SPIRE2: variants seen among roughly 807,000 people sequenced by gnomAD.
SPIRE2 encodes protein spire homolog 2.
Under a neutral mutation model 80.7 loss-of-function variants are expected in SPIRE2, and 76 were observed. The observed-to-expected ratio is 0.94, with a 90% CI of 0.78 to 1.14. The LOEUF is 1.14. SPIRE2 is among the 50% of genes most tolerant of loss of function. The pLI is 0.00. For synonymous variants in SPIRE2, 535 were observed against 432.6 expected (o/e 1.24, Z -2.94); for missense variants, 1,196 against 1,015.3 (o/e 1.18, Z -2.42).
chr16:89,854,309 C>A lies in SPIRE2; in HGVS notation c.669C>A (p.Asp223Glu), dbSNP rs12921652. 6.2e-7 allele frequency: 1 copy of A among 1,611,422 alleles called. No homozygotes were observed. The highest frequency in any genetic ancestry group is 1.3e-5 in the African/African-American group (1 of 75,016). Residue 223 changes from aspartate to glutamate, a missense_variant, in exon 4 of 15, where the codon GAC becomes GAA. Asp to Glu is a conservative substitution (Grantham distance 45). Coordinates refer to ENST00000378247, the MANE Select transcript of SPIRE2 (RefSeq NM_032451.2). ...AKEMLQKLRE[D>E]EPHLETPRAE... ...AGATGCTGCAGAAGCTTCGGGAGGA[C>A]GAGCCGCATCTGGAGACGCCTCGGG...
intron 2 of SPIRE2, among the ~76,000 whole-genome samples, chr16:89,848,371 T>C (rs1355227869): frequency 1.3e-5 from 2 of 152,210 alleles, no homozygotes; most frequent in African/African-American, 4.8e-5. Context: ...GCCCCCAAGG[T>C]GGGCTGGGGC....
chr16:89,851,127 T>G (rs930619452), intron 3 of SPIRE2, among the ~76,000 whole-genome samples: 2 of 152,174 alleles, frequency 1.3e-5, no homozygotes, highest in Admixed American at 1.3e-4. Context: ...GGCCTCACAC[T>G]TTCTTCTTAC....
In SPIRE2 at chr16:89,865,411, A is replaced by C. The variant is rs144951917; in HGVS notation, c.1778+1550A>C. 2.6e-5 allele frequency among the ~76,000 whole-genome samples: 4 copies of C among 152,348 alleles called. No individual in the cohort carries two copies. In the East Asian group the frequency reaches 7.7e-4, roughly 29 times the overall value. On this transcript the variant is annotated intron_variant, in intron 12 of 14. Coordinates refer to ENST00000378247, the MANE Select transcript of SPIRE2 (RefSeq NM_032451.2). ...AAATATTACTTAAAGGTAGACTGTG[A>C]TAAGTTAAAGATGTATACCATAAGT...
chr16:89,856,371 T>A, intron 7 of SPIRE2, 135 bp downstream of exon 7: 2 of 895,332 alleles, frequency 2.2e-6, no homozygotes, highest in Non-Finnish European at 3.0e-6. Flanking sequence ...CAGAACATCT[T>A]AATTTTTGAG....
Position 89,829,660 on chromosome 16 carries a change from TTGTGCC to T in SPIRE2, c.244+867_244+872del, listed in dbSNP as rs2041360289. On this transcript the variant is annotated intron_variant, in intron 1 of 14. Coordinates refer to ENST00000378247, the MANE Select transcript of SPIRE2 (RefSeq NM_032451.2). ...ACAGAGCCACGAGGGGTGGGGGCCGTTGTGCCCCACCCAAGGGCCCTTGTTCCTTCA... is the reference window on the plus strand; with the variant it reads ...ACAGAGCCACGAGGGGTGGGGGCCGTCCACCCAAGGGCCCTTGTTCCTTCA... Among the ~76,000 whole-genome samples the T allele has an allele frequency of 5.9e-5, 9 of 151,734 alleles. 1 individual carries two copies. Among genetic ancestry groups the T allele is most frequent in the Non-Finnish European group, 1.0e-4 (7 of 67,584 alleles).
At chr16:89,865,965 C>CAA (rs376787173) in intron 12 of SPIRE2, among the ~76,000 whole-genome samples, 5,533 of 57,026 alleles carry the variant, frequency 0.097, 437 homozygotes, top group African/African-American at 0.22. Context: ...GAGACTGTCT[C>CAA]AAAAAAAAAA....
chr16:89,854,732 G>T (rs2041673081), intron 5 of SPIRE2, 81 bp downstream of exon 5: 1 of 1,516,880 alleles, frequency 6.6e-7, no homozygotes, highest in South Asian at 1.2e-5. Context: ...CAGCCTGGAT[G>T]TTGGGCAGCC....
At chr16:89,850,984 C>T (rs1441303527) in intron 3 of SPIRE2, among the ~76,000 whole-genome samples, 1 of 151,974 alleles carries the variant, frequency 6.6e-6, no homozygotes, top group Non-Finnish European at 1.5e-5. Context: ...TTACAGGTGC[C>T]CACCACCATG....
intron 1 of SPIRE2, among the ~76,000 whole-genome samples, chr16:89,831,399 C>CTTTTT (rs59083711): frequency 1.5e-5 from 2 of 131,898 alleles, no homozygotes; most frequent in Non-Finnish European, 1.7e-5. Context: ...TTCTTTCTTT[C>CTTTTT]TTTTTTTTTT....
intron 3 of SPIRE2, among the ~76,000 whole-genome samples, chr16:89,850,893 G>A (rs1193531081): frequency 1.3e-5 from 2 of 152,198 alleles, no homozygotes; most frequent in Middle Eastern, 3.4e-3. Flanking sequence ...TGGAGGGGTA[G>A]TGGCTCGATC....
chr16:89,853,494 AC>A (rs1214576093), intron 3 of SPIRE2, among the ~76,000 whole-genome samples: 2 of 151,932 alleles, frequency 1.3e-5, no homozygotes, highest in African/African-American at 4.8e-5. Context: ...CAGGAGTGCC[AC>A]CCTCTGTGCC....
chr16:89,856,208 G>A lies in SPIRE2; in HGVS notation c.1074G>A (p.Pro358=), dbSNP rs140601253. ...TCAAGCAGGAGCGGAGGCTGCGCCC[G>A]GTGCGGGGCGAGGGCTGGGCTGCCC... ...EEIKQERRLR[P]VRGEGWAARG... is the part of the protein sequence containing the mutation. The change falls in exon 7 of 15, where the codon CCG becomes CCA. Residue 358 remains proline (P), a synonymous_variant. Transcript: ENST00000378247. 625 of 1,591,688 alleles carry A rather than the reference G, an allele frequency of 3.9e-4. 1 individual carries two copies. The African/African-American group carries it at 6.8e-3, about 17-fold the overall frequency.
In SPIRE2 at chr16:89,845,277, TC is replaced by T. The variant is rs1158849221; in HGVS notation, c.245-42del. The T allele has an allele frequency of 3.8e-6, 6 of 1,592,484 alleles. No individual in the cohort carries two copies. In the South Asian group the frequency reaches 6.6e-5, roughly 18 times the overall value. The stretch of plus-strand genomic sequence containing the variant: ...GGGGGGACAGCAGTGTTTATTGGGG[TC>T]CCGGGGATGCTGACAAATAACTTAA... On this transcript the variant is annotated intron_variant, in intron 1 of 14. Coordinates refer to ENST00000378247, the MANE Select transcript of SPIRE2 (RefSeq NM_032451.2).
chr16:89,843,432 T>C (rs1174597591), intron 1 of SPIRE2, among the ~76,000 whole-genome samples: 2 of 151,988 alleles, frequency 1.3e-5, no homozygotes, highest in African/African-American at 4.8e-5. Flanking sequence ...ACTGTGGTTC[T>C]CTAAGAGGCA....
chr16:89,840,964 A>G (rs1356698027), intron 1 of SPIRE2, among the ~76,000 whole-genome samples: 2 of 152,116 alleles, frequency 1.3e-5, no homozygotes, highest in East Asian at 3.9e-4. Flanking sequence ...ACAAGCACAC[A>G]CAGGATTGTT....
chr16:89,850,255 G>T (rs747035770), intron 2 of SPIRE2, 49 bp from the exon 3 acceptor site: 1 of 1,539,138 alleles, frequency 6.5e-7, no homozygotes, highest in Non-Finnish European at 8.8e-7. Flanking sequence ...CGTTCTCCCC[G>T]CCCCACCCCC....
In SPIRE2 at chr16:89,868,891, C is replaced by T. The variant is rs138312597; in HGVS notation, c.1806+675C>T. 2.9e-3 allele frequency among the ~76,000 whole-genome samples: 440 copies of T among 150,784 alleles called. 1 individual carries two copies. Among genetic ancestry groups the T allele is most frequent in the African/African-American group, 9.5e-3 (392 of 41,126 alleles). The stretch of plus-strand genomic sequence containing the variant: ...AAATAAAAGTATGTCACCAGCCAGG[C>T]GCGGTGGCTCATGCCTGCAGTTCCT... On this transcript the variant is annotated intron_variant, in intron 13 of 14. Transcript: ENST00000378247.
chr16:89,856,371 T>G (rs958054384), intron 7 of SPIRE2, 135 bp downstream of exon 7: 11 of 895,220 alleles, frequency 1.2e-5, no homozygotes, highest in Non-Finnish European at 1.6e-5. Context: ...CAGAACATCT[T>G]AATTTTTGAG....
At chr16:89,835,821 T>G (rs144978334) in intron 1 of SPIRE2, among the ~76,000 whole-genome samples, 6 of 152,232 alleles carry the variant, frequency 3.9e-5, no homozygotes, top group East Asian at 3.9e-4. Flanking sequence ...GACCCCTTCA[T>G]TCCAGCGCGT....
Sources: allele counts gnomAD v4.1 joint callset (sites outside exome capture counted in the v4.1 genomes callset), GRCh38; gene constraint gnomAD v4.1.1; transcripts MANE v1.5; gene names NCBI Gene and HGNC (gene_info 2026-07-23, HGNC 2026-07-21).